Variants in THAP4 observed in about 807,000 individuals in gnomAD.
THAP4 encodes the protein peroxynitrite isomerase THAP4.
Under a neutral mutation model 48.1 loss-of-function variants are expected in THAP4, and 18 were observed. The observed-to-expected ratio is 0.37, with a 90% CI of 0.26 to 0.56. The LOEUF (loss-of-function observed/expected upper bound fraction) is 0.56, where lower values mean the gene tolerates loss of function less well. Ranked by LOEUF, THAP4 falls within the 20% of genes least tolerant of loss-of-function variation. The pLI, the probability that THAP4 is intolerant of heterozygous loss-of-function variation, is 0.78. For synonymous variants in THAP4, 345 were observed against 324.9 expected (o/e 1.06, Z -0.66); for missense variants, 656 against 774.9 (o/e 0.85, Z 1.82).
At chr2:241,626,086 C>T (rs1361161417) in intron 2 of THAP4, among the ~76,000 whole-genome samples, 2 of 152,130 alleles carry the variant, frequency 1.3e-5, no homozygotes, top group Admixed American at 6.6e-5. Context: ...ATTCCAACAT[C>T]CCATTCATGA....
At chr2:241,590,418 T>G (rs62192977) in intron 5 of THAP4, among the ~76,000 whole-genome samples, 6 of 51,442 alleles carry the variant, frequency 1.2e-4, no homozygotes, top group East Asian at 7.8e-4. Flanking sequence ...GCTCGGCTGA[T>G]GATAATGGGC....
intron 5 of THAP4, among the ~76,000 whole-genome samples, chr2:241,595,359 C>T (rs1028712538): frequency 2.6e-5 from 4 of 151,778 alleles, no homozygotes; most frequent in Non-Finnish European, 5.9e-5. Context: ...ATGAGACAGC[C>T]GGGTGCAGTG....
intron 1 of THAP4, 66 bp from the exon 2 acceptor site, chr2:241,634,145 T>A: frequency 7.6e-7 from 1 of 1,308,702 alleles, no homozygotes; most frequent in Non-Finnish European, 1.0e-6. Flanking sequence ...TAATCAACTG[T>A]AAAAGCAAAA....
In THAP4 at chr2:241,610,402, G is replaced by A. The variant is rs1397519451; in HGVS notation, c.1241-3929C>T. ...CGCCACCGCGCCCTGTTTGGGGAGC[G>A]GCAGAGGAGTCAGGGCGGAGGCTGG... is the stretch of plus-strand genomic sequence containing the variant. On this transcript the variant is annotated intron_variant, in intron 2 of 5. Transcript: ENST00000407315. This position sits in a 1 kb window ranked among gnomAD's most constrained non-coding sequence, Gnocchi z 4.2. 6.6e-6 allele frequency among the ~76,000 whole-genome samples: 1 copy of A among 152,200 alleles called. No homozygotes were observed. Among genetic ancestry groups the A allele is most frequent in the African/African-American group, 2.4e-5 (1 of 41,452 alleles).
In THAP4 at chr2:241,637,122, T is replaced by G. The variant is rs2125104487; in HGVS notation, c.-105A>C. The G allele has an allele frequency of 1.0e-6, 1 of 998,506 alleles. No individual in the cohort carries two copies. Among genetic ancestry groups the G allele is most frequent in the Non-Finnish European group, 1.2e-6 (1 of 841,030 alleles). The allele number at this position is 998,506 out of a possible 1,614,324, so 61.9% of individuals were successfully genotyped here. A position where few individuals can be genotyped will look rare whatever the true frequency, so the allele number is the denominator to read the frequency against. ...CGCGGCGGCGACACGGCTCGGGACG[T>G]GGGCCGGCCCGCGGCGTCCGCGCCG... On this transcript the variant is annotated 5_prime_UTR_variant, in exon 1 of 6. Coordinates refer to ENST00000407315, the MANE Select transcript of THAP4 (RefSeq NM_015963.6).
intron 5 of THAP4, among the ~76,000 whole-genome samples, chr2:241,593,513 C>G (rs749487869): frequency 1.3e-5 from 2 of 152,224 alleles, no homozygotes; most frequent in Non-Finnish European, 2.9e-5. Flanking sequence ...GGACCCGACA[C>G]AGCCGACCCA....
At chr2:241,597,948 C>T (rs557380731) in intron 5 of THAP4, among the ~76,000 whole-genome samples, 100 of 150,170 alleles carry the variant, frequency 6.7e-4, no homozygotes, top group African/African-American at 2.4e-3. Flanking sequence ...AAACCCAAAT[C>T]TAGTTATTTA....
At chr2:241,636,909 G>T (rs2125104084) in intron 1 of THAP4, 32 bp downstream of exon 1, 2 of 1,202,696 alleles carry the variant, frequency 1.7e-6, no homozygotes, top group Non-Finnish European at 2.1e-6. Flanking sequence ...GCCGGGTCGG[G>T]GCGGGGGCGT....
At position 241,584,719 on chromosome 2, in the gene THAP4, G is replaced by C. The variant is rs1468694704; in HGVS notation, c.1621C>G (p.Arg541Gly). Residue 541 changes from arginine to glycine, a missense_variant, in exon 6 of 6, where the codon CGG becomes GGG. Around this residue, in one of 4 missense-constraint regions of THAP4, gnomAD observed 176 missense variants for 256.7 expected, o/e 0.69. Coordinates refer to ENST00000407315, the MANE Select transcript of THAP4 (RefSeq NM_015963.6). Reference protein sequence around the residue: ...AKEPHVEQITRKFRLNSEGKL... With the variant: ...AKEPHVEQITGKFRLNSEGKL... ...CCTTCAGAATTCAGCCTGAACTTCCGGGTGATCTGAGCAGGAGAATGGAAC... is the reference window on the plus strand; with the variant it reads ...CCTTCAGAATTCAGCCTGAACTTCCCGGTGATCTGAGCAGGAGAATGGAAC... The C allele has an allele frequency of 6.2e-7, 1 of 1,614,200 alleles. No homozygotes were observed. Among genetic ancestry groups the C allele is most frequent in the Non-Finnish European group, 8.5e-7 (1 of 1,180,022 alleles).
intron 2 of THAP4, among the ~76,000 whole-genome samples, chr2:241,615,575 A>G (rs760465779): frequency 3.3e-5 from 5 of 152,208 alleles, no homozygotes; most frequent in Non-Finnish European, 7.4e-5. Context: ...TGCAGATCTA[A>G]TATTTCGAGA....
intron 5 of THAP4, among the ~76,000 whole-genome samples, chr2:241,586,702 A>G (rs905392404): frequency 6.6e-6 from 1 of 152,226 alleles, no homozygotes; most frequent in Non-Finnish European, 1.5e-5. Context: ...GAAAAACATA[A>G]TAACTCAAAT....
chr2:241,591,479 A>G (rs1008028718), intron 5 of THAP4, among the ~76,000 whole-genome samples: 1 of 152,240 alleles, frequency 6.6e-6, no homozygotes, highest in Non-Finnish European at 1.5e-5. Flanking sequence ...GGTGATTTTT[A>G]AAAAGTAGAA....
intron 5 of THAP4, among the ~76,000 whole-genome samples, chr2:241,589,897 A>G (rs532727994): frequency 6.6e-6 from 1 of 152,318 alleles, no homozygotes; most frequent in East Asian, 1.9e-4. Flanking sequence ...AGAGCGTTTC[A>G]GTGAGGAAAG....
intron 1 of THAP4, 147 bp downstream of exon 1, chr2:241,636,794 G>T: frequency 3.3e-6 from 1 of 302,138 alleles, no homozygotes; most frequent in South Asian, 1.3e-4. Context: ...GCCGGGCCAA[G>T]GTCACACAGC....
Position 241,633,123 on chromosome 2 carries a change from A to G in THAP4, c.1034T>C (p.Leu345Pro), listed in dbSNP as rs1308061159. 2 of 1,613,292 alleles carry G rather than the reference A, an allele frequency of 1.2e-6. No individual in the cohort carries two copies. Among genetic ancestry groups the G allele is most frequent in the South Asian group, 1.1e-5 (1 of 90,988 alleles). Residue 345 changes from leucine to proline, a missense_variant, in exon 2 of 6, where the codon CTG becomes CCG. Leu to Pro is a moderately conservative substitution (Grantham distance 98, BLOSUM62 -3). This residue lies in a region of THAP4 where 391 missense variants were observed against 412.4 expected (regional missense o/e 0.95). Transcript: ENST00000407315. The surrounding 1 kb of genome is among the most constrained non-coding windows in gnomAD (Gnocchi z 7.5). The stretch of plus-strand genomic sequence containing the variant: ...CCGGGAGGAGAAGCAGTAGGAGTGC[A>G]GTGAGTCGATGAGCTTGCAGGCCCC... ...ASGACKLIDS[L>P]HSYCFSSRQN...
At chr2:241,626,710 C>T (rs887449938) in intron 2 of THAP4, among the ~76,000 whole-genome samples, 2 of 151,978 alleles carry the variant, frequency 1.3e-5, no homozygotes, top group South Asian at 2.1e-4. Flanking sequence ...ATTACAGGCA[C>T]GTGTCACCAT....
At chr2:241,620,347 G>A (rs2067412063) in intron 2 of THAP4, among the ~76,000 whole-genome samples, 1 of 126,192 alleles carries the variant, frequency 7.9e-6, no homozygotes, top group Non-Finnish European at 1.7e-5. Context: ...CAGTGAGTGA[G>A]GGGTGAGTGA....
In THAP4 at chr2:241,616,907, G is replaced by A. The variant is rs935219179; in HGVS notation, c.1241-10434C>T. Among the ~76,000 whole-genome samples, 13 of 152,054 alleles carry A rather than the reference G, an allele frequency of 8.5e-5. No homozygotes were observed. The highest frequency in any genetic ancestry group is 4.1e-4 in the South Asian group (2 of 4,838). On this transcript the variant is annotated intron_variant, in intron 2 of 5. Transcript: ENST00000407315. This position sits in a 1 kb window ranked among gnomAD's most constrained non-coding sequence, Gnocchi z 4.6. Reference sequence around the variant, plus strand: ...GGTCAGGCAGTAAACAAGCAGCGGCGGCGCCTCCTTCTGTCTACACTGCAC... The same window carrying A: ...GGTCAGGCAGTAAACAAGCAGCGGCAGCGCCTCCTTCTGTCTACACTGCAC...
chr2:241,587,275 G>C (rs1410393211), intron 5 of THAP4, among the ~76,000 whole-genome samples: 1 of 152,198 alleles, frequency 6.6e-6, no homozygotes, highest in East Asian at 1.9e-4. Flanking sequence ...AGGCGAATAT[G>C]TCCATCTGTT....
Sources: gnomAD v4.1 joint callset for allele counts (sites outside exome capture counted in the v4.1 genomes callset) on GRCh38, gnomAD v4.1.1 for gene constraint, gnomAD v4.1.1 regional missense constraint, Gnocchi (gnomAD v3.1) non-coding constraint, MANE v1.5 for transcripts, NCBI Gene and HGNC (gene_info 2026-07-23, HGNC 2026-07-21) for gene names.